The following CFAP46 variants were observed in gnomAD, a reference collection of about 807,000 sequenced individuals.
CFAP46 encodes cilia and flagella associated protein 46, also known as cilia- and flagella-associated protein 46.
CFAP46 carries 245 observed loss-of-function variants against 325.7 expected under a neutral mutation model. That is an observed-to-expected ratio of 0.75 (90% CI 0.68 to 0.84). The LOEUF (loss-of-function observed/expected upper bound fraction) is 0.84, where lower values mean the gene tolerates loss of function less well. CFAP46 is among the 40% of genes least tolerant of loss of function. CFAP46 has a pLI of 0.00. For synonymous variants in CFAP46, 1,523 were observed against 1,495.9 expected, an observed-to-expected ratio of 1.02 and a Z score of -0.42; for missense variants, 3,346 against 3,543.0, an observed-to-expected ratio of 0.94 and a Z score of 1.41.
chr10:132,898,973 C>T lies in CFAP46; in HGVS notation c.3205G>A (p.Glu1069Lys), dbSNP rs1372321339. ...KRLIGIINKT[E>K]ARKQEKGKTL... ...GGCTGGTGCACCTGCTTTCTGGCCT[C>T]TGTCTTGTTGATGATGCCGATGAGC... Residue 1069 changes from glutamate (E) to lysine (K), a missense_variant, in exon 24 of 58, where the codon GAG (glutamate) becomes AAG (lysine). Glu to Lys is a moderately conservative substitution (Grantham distance 56). Coordinates refer to ENST00000368586, the MANE Select transcript of CFAP46 (RefSeq NM_001200049.3). 1 of 1,550,568 alleles carries T rather than the reference C, an allele frequency of 6.4e-7. No homozygotes were observed. Among genetic ancestry groups the T allele is most frequent in the Admixed American group, 2.0e-5 (1 of 51,016 alleles).
chr10:132,919,026 G>A lies in CFAP46; in HGVS notation c.1858+289C>T, dbSNP rs1480111299. Among the ~76,000 whole-genome samples, 1 of 152,186 alleles carries A rather than the reference G, an allele frequency of 6.6e-6. No individual in the cohort carries two copies. Among genetic ancestry groups the A allele is most frequent in the African/African-American group, 2.4e-5 (1 of 41,474 alleles). ...CTCTGCCTGCAGGTGCCCCGCATGGGCATCTGCTCACTGGCTGTGGTGGCC... is the reference window on the plus strand; with the variant it reads ...CTCTGCCTGCAGGTGCCCCGCATGGACATCTGCTCACTGGCTGTGGTGGCC... On this transcript the variant is annotated intron_variant, in intron 15 of 57. Coordinates refer to ENST00000368586, the MANE Select transcript of CFAP46 (RefSeq NM_001200049.3). The surrounding 1 kb of genome is among the most constrained non-coding windows in gnomAD (Gnocchi z 9.7).
rs1045782229 is a variant in CFAP46 at position 132,834,445 on chromosome 10, G to A, written c.6866+209C>T. On this transcript the variant is annotated intron_variant, in intron 48 of 57. Transcript: ENST00000368586. ...ACTTGGGCCAGGGGCTGGAGGGACC[G>A]TGGGCAGTGGGCAGTGGGCAGTACT... Among the ~76,000 whole-genome samples, 4 of 152,194 alleles carry A rather than the reference G, an allele frequency of 2.6e-5. No homozygotes were observed. The East Asian group carries it at 5.8e-4, about 22-fold the overall frequency.
intron 35 of CFAP46, among the ~76,000 whole-genome samples, chr10:132,861,613 C>T (rs1182208086): frequency 1.3e-5 from 2 of 152,250 alleles, no homozygotes; most frequent in Admixed American, 1.3e-4. Flanking sequence ...GCCACATGAT[C>T]TGGGACAGAA....
At chr10:132,851,917 T>G (rs112757054) in intron 39 of CFAP46, among the ~76,000 whole-genome samples, 1 of 145,242 alleles carries the variant, frequency 6.9e-6, no homozygotes, top group African/African-American at 2.6e-5. Context: ...CTCCATTTAC[T>G]TAGGAATTCT....
At chr10:132,918,958 C>A (rs1849678590) in intron 15 of CFAP46, among the ~76,000 whole-genome samples, 1 of 152,216 alleles carries the variant, frequency 6.6e-6, no homozygotes, top group Admixed American at 6.5e-5. Flanking sequence ...GATGAGCCTG[C>A]CCCACCCATG....
intron 27 of CFAP46, 80 bp downstream of exon 27, chr10:132,885,023 G>C: frequency 1.4e-6 from 2 of 1,430,570 alleles, no homozygotes; most frequent in Non-Finnish European, 9.4e-7. Flanking sequence ...CCAGGTCCCT[G>C]CTGAGCTTCT....
intron 50 of CFAP46, among the ~76,000 whole-genome samples, chr10:132,821,157 T>C (rs1847806559): frequency 7.3e-6 from 1 of 136,630 alleles, no homozygotes; most frequent in African/African-American, 2.8e-5. Flanking sequence ...AGTGCTGATG[T>C]GTGCTGTCTG....
intron 25 of CFAP46, among the ~76,000 whole-genome samples, chr10:132,890,478 T>C (rs1297913476): frequency 2.0e-5 from 3 of 152,174 alleles, no homozygotes; most frequent in Non-Finnish European, 4.4e-5. Context: ...ACCCTAAGGC[T>C]TTGGTTGAAG....
chr10:132,927,127 G>A lies in CFAP46; in HGVS notation c.967-461C>T, dbSNP rs139419299. On this transcript the variant is annotated intron_variant, in intron 9 of 57. Transcript: ENST00000368586. ...GGCCTTACAAAAGCTGGGGAGCAAC[G>A]TGTGGCTGTCATCCAAAGACCACTA... 8.5e-3 allele frequency among the ~76,000 whole-genome samples: 1,302 copies of A among 152,318 alleles called. 11 individuals are homozygous for A. Among genetic ancestry groups the A allele is most frequent in the South Asian group, 0.03 (147 of 4,826 alleles).
chr10:132,930,167 C>T (rs1227694163), intron 8 of CFAP46, among the ~76,000 whole-genome samples: 1 of 152,124 alleles, frequency 6.6e-6, no homozygotes, highest in Non-Finnish European at 1.5e-5. Flanking sequence ...GCAGCTCAGA[C>T]CCACATCTGC....
Position 132,942,416 on chromosome 10 carries a change from C to T in CFAP46, c.49+20G>A. Reference sequence around the variant, plus strand: ...CCCGGGGCCTCCCCGGGGCGGGGGTCGTGGCGGGCCTGGGGTCACCTTGCT... The same window carrying T: ...CCCGGGGCCTCCCCGGGGCGGGGGTTGTGGCGGGCCTGGGGTCACCTTGCT... On this transcript the variant is annotated intron_variant, in intron 1 of 57. Coordinates refer to ENST00000368586, the MANE Select transcript of CFAP46 (RefSeq NM_001200049.3). 7.4e-7 allele frequency: 1 copy of T among 1,355,068 alleles called. No individual in the cohort carries two copies. The highest frequency in any genetic ancestry group is 9.4e-7 in the Non-Finnish European group (1 of 1,060,758). 83.9% of individuals were successfully genotyped at this position (1,355,068 alleles called of 1,614,324 possible).
At chr10:132,898,490 C>A in intron 24 of CFAP46, 1 of 304,596 alleles carries the variant, frequency 3.3e-6, no homozygotes, top group Non-Finnish European at 6.4e-6. Flanking sequence ...GTTGCCCCAT[C>A]CCCTGGGCCT....
At chr10:132,839,290 C>T (rs1848314324) in intron 44 of CFAP46, among the ~76,000 whole-genome samples, 1 of 152,222 alleles carries the variant, frequency 6.6e-6, no homozygotes, top group South Asian at 2.1e-4. Context: ...CCCCAGGTCC[C>T]CACAAGGGAC....
At chr10:132,880,744 G>GCAGAGGACAGCACTGA in intron 28 of CFAP46, 117 bp downstream of exon 28, 2 of 1,249,924 alleles carry the variant, frequency 1.6e-6, no homozygotes, top group Non-Finnish European at 1.1e-6. Flanking sequence ...AGGGGCTCCT[G>GCAGAGGACAGCACTGA]GCCTCCAAAG....
At chr10:132,820,271 G>A (rs981478713) in intron 50 of CFAP46, among the ~76,000 whole-genome samples, 40 of 150,534 alleles carry the variant, frequency 2.7e-4, no homozygotes, top group African/African-American at 9.8e-4. Context: ...GCCAGAGGCT[G>A]CATGATTCCA....
intron 14 of CFAP46, 41 bp downstream of exon 14, chr10:132,920,018 G>A: frequency 4.7e-6 from 7 of 1,478,708 alleles, no homozygotes; most frequent in Non-Finnish European, 6.3e-6. Context: ...GCGACCCCCG[G>A]GCTGAGCTGT....
At chr10:132,927,991 A>G (rs574704506) in intron 9 of CFAP46, among the ~76,000 whole-genome samples, 1 of 152,330 alleles carries the variant, frequency 6.6e-6, no homozygotes, top group East Asian at 1.9e-4. Context: ...CAACCGGGCA[A>G]AGGGCCAGGA....
intron 55 of CFAP46, among the ~76,000 whole-genome samples, chr10:132,812,140 C>T (rs1048065761): frequency 2.6e-5 from 4 of 152,208 alleles, no homozygotes; most frequent in South Asian, 2.1e-4. Flanking sequence ...CTGCGGTGTC[C>T]GAGTGGCTGC....
At chr10:132,930,980 TA>T (rs1849889607) in intron 8 of CFAP46, among the ~76,000 whole-genome samples, 3 of 63,530 alleles carry the variant, frequency 4.7e-5, no homozygotes, top group African/African-American at 6.3e-5. Context: ...TGGGCCTCCC[TA>T]CACTCCCCAC....
Sources: allele counts gnomAD v4.1 joint callset (sites outside exome capture counted in the v4.1 genomes callset), GRCh38; gene constraint gnomAD v4.1.1; non-coding constraint Gnocchi (gnomAD v3.1); transcripts MANE v1.5; gene names NCBI Gene and HGNC (gene_info 2026-07-23, HGNC 2026-07-21).